The following NAALADL2 variants were observed in gnomAD, a reference collection of about 807,000 sequenced individuals.
NAALADL2 encodes the protein inactive N-acetylated-alpha-linked acidic dipeptidase-like protein 2.
In NAALADL2, 76 loss-of-function variants were observed where a neutral mutation model predicts 87.2. The ratio of observed to expected loss-of-function variants is 0.87; its 90% CI spans 0.72 to 1.05. NAALADL2 has a LOEUF of 1.05. NAALADL2 is among the 50% of genes least tolerant of loss of function. The probability of loss-of-function intolerance (pLI) is 0.00; values close to 1 mark genes in which losing one functional copy is unlikely to be tolerated. For synonymous variants in NAALADL2, 354 were observed against 331.0 expected (o/e 1.07, Z -0.75); for missense variants, 1,089 against 945.8 (o/e 1.15, Z -1.99).
chr3:175,349,403 A>C (rs995108303), intron 5 of NAALADL2, among the ~76,000 whole-genome samples: 1 of 152,078 alleles, frequency 6.6e-6, no homozygotes, highest in African/African-American at 2.4e-5. Flanking sequence ...TTCACAAAAA[A>C]CCACAGAGAC....
chr3:175,159,820 CCTCT>C (rs1007893057), intron 2 of NAALADL2, among the ~76,000 whole-genome samples: 4 of 149,768 alleles, frequency 2.7e-5, no homozygotes, highest in African/African-American at 9.8e-5. Context: ...TTCCTTCCTT[CCTCT>C]CTCTCTCTTT....
intron 1 of NAALADL2, among the ~76,000 whole-genome samples, chr3:174,945,068 G>C (rs928809859): frequency 6.6e-6 from 1 of 152,054 alleles, no homozygotes; most frequent in Non-Finnish European, 1.5e-5. Flanking sequence ...CCCCATCTAG[G>C]TTTTAGATTT....
intron 12 of NAALADL2, among the ~76,000 whole-genome samples, chr3:175,743,064 G>A (rs577874790): frequency 3.0e-4 from 45 of 151,682 alleles, no homozygotes; most frequent in Middle Eastern, 3.4e-3. Flanking sequence ...GGTGCTGCGC[G>A]ATCTCCGCTC....
chr3:175,708,808 C>A (rs141637405), intron 11 of NAALADL2, among the ~76,000 whole-genome samples: 2,774 of 147,110 alleles, frequency 0.019, 38 homozygotes, highest in Non-Finnish European at 0.028. Flanking sequence ...TTTCTCCTAC[C>A]TTTTATACCC....
intron 2 of NAALADL2, among the ~76,000 whole-genome samples, chr3:174,642,537 A>G (rs1211410400): frequency 6.7e-6 from 1 of 149,210 alleles, no homozygotes; most frequent in African/African-American, 2.5e-5. Context: ...GCATGTTGCC[A>G]CACAGGGTAT....
At chr3:175,184,569 A>G (rs1455731587) in intron 2 of NAALADL2, among the ~76,000 whole-genome samples, 1 of 151,948 alleles carries the variant, frequency 6.6e-6, no homozygotes. Flanking sequence ...TGAAGTTGGA[A>G]AGTCCCATAT....
intron 3 of NAALADL2, among the ~76,000 whole-genome samples, chr3:174,814,204 G>A (rs569885515): frequency 1.2e-3 from 184 of 152,164 alleles, no homozygotes; most frequent in Admixed American, 2.6e-3. Context: ...CACCCCCCGG[G>A]TTCACACCAT....
chr3:174,717,663 G>A (rs984286067), intron 2 of NAALADL2, among the ~76,000 whole-genome samples: 12 of 151,946 alleles, frequency 7.9e-5, no homozygotes, highest in East Asian at 1.9e-4. Flanking sequence ...ATTAGCAACC[G>A]CCTCTTCAAA....
chr3:175,060,848 G>A (rs1713301058), intron 1 of NAALADL2, among the ~76,000 whole-genome samples: 1 of 152,140 alleles, frequency 6.6e-6, no homozygotes, highest in Non-Finnish European at 1.5e-5. Context: ...GGGAGTTTGA[G>A]ACCAGCCTGA....
intron 9 of NAALADL2, among the ~76,000 whole-genome samples, chr3:175,565,313 T>A (rs78330997): frequency 6.6e-6 from 1 of 152,330 alleles, no homozygotes; most frequent in Non-Finnish European, 1.5e-5. Context: ...CATTTGTAAA[T>A]GGTAAGTCCT....
intron 12 of NAALADL2, among the ~76,000 whole-genome samples, chr3:175,750,714 C>T (rs1340257904): frequency 6.6e-6 from 1 of 152,178 alleles, no homozygotes; most frequent in Non-Finnish European, 1.5e-5. Context: ...AGGTTTACTT[C>T]TTCCCTGGAC....
intron 5 of NAALADL2, among the ~76,000 whole-genome samples, chr3:175,329,700 G>A (rs1446374259): frequency 1.3e-5 from 2 of 152,106 alleles, no homozygotes; most frequent in African/African-American, 2.4e-5. Context: ...GTGCTCTGCA[G>A]GCTTCAGATT....
rs1733328012 is a variant in NAALADL2 at position 174,737,391 on chromosome 3, G to A, written c.-114-250G>A. Among the ~76,000 whole-genome samples the A allele has an allele frequency of 2.6e-5, 4 of 152,214 alleles. No individual in the cohort carries two copies. In the South Asian group the frequency reaches 8.3e-4, roughly 32 times the overall value. ...GATTGAAATGTAAACATGGAAAAAT[G>A]AAATCAAGGGAGAAAAGTATTTGTG... On this transcript the variant is annotated intron_variant, in intron 2 of 3. Coordinates refer to the NAALADL2 transcript ENST00000434257.
intron 2 of NAALADL2, among the ~76,000 whole-genome samples, chr3:174,563,137 G>T (rs1457626958): frequency 6.6e-6 from 1 of 151,984 alleles, no homozygotes; most frequent in Admixed American, 6.5e-5. Flanking sequence ...ACATGAAAGA[G>T]TATCTATAAA....
intron 11 of NAALADL2, among the ~76,000 whole-genome samples, chr3:175,641,056 A>G (rs996988097): frequency 2.6e-5 from 4 of 152,146 alleles, no homozygotes; most frequent in African/African-American, 7.2e-5. Context: ...TCTGTACTTC[A>G]TTGCTCAAAT....
intron 2 of NAALADL2, among the ~76,000 whole-genome samples, chr3:175,114,220 C>T (rs1313223230): frequency 6.6e-6 from 1 of 151,512 alleles, no homozygotes; most frequent in Non-Finnish European, 1.5e-5. Context: ...AGACAAAATG[C>T]CCTCTGGAGA....
intron 3 of NAALADL2, among the ~76,000 whole-genome samples, chr3:174,780,495 CT>C (rs1715823699): frequency 6.6e-6 from 1 of 152,130 alleles, no homozygotes; most frequent in South Asian, 2.1e-4. Flanking sequence ...CCTGATTGCC[CT>C]GGCCAGAACT....
At chr3:175,324,118 T>C in intron 4 of NAALADL2, 57 bp from the exon 5 acceptor site, 2 of 1,435,568 alleles carry the variant, frequency 1.4e-6, no homozygotes, top group East Asian at 5.0e-5. Context: ...AAAATGGCAC[T>C]ATATGAACTT....
At chr3:174,789,644 G>A (rs1717226276) in intron 3 of NAALADL2, among the ~76,000 whole-genome samples, 1 of 152,126 alleles carries the variant, frequency 6.6e-6, no homozygotes, top group Non-Finnish European at 1.5e-5. Flanking sequence ...ACCCAAGGAG[G>A]TAAACAGAAC....
Sources: allele counts gnomAD v4.1 joint callset (sites outside exome capture counted in the v4.1 genomes callset), GRCh38; gene constraint gnomAD v4.1.1; transcripts MANE v1.5; gene names NCBI Gene and HGNC (gene_info 2026-07-23, HGNC 2026-07-21).